Variants in ALDH3A1 observed in about 807,000 individuals in gnomAD.
ALDH3A1 encodes aldehyde dehydrogenase, dimeric NADP-preferring.
Under a neutral mutation model 49.9 loss-of-function variants are expected in ALDH3A1, and 46 were observed. The ratio of observed to expected loss-of-function variants is 0.92; its 90% CI spans 0.73 to 1.18. ALDH3A1 has a LOEUF of 1.18. Ranked by LOEUF, ALDH3A1 falls within the 50% of genes most tolerant of loss-of-function variation. The pLI is 0.00. For synonymous variants in ALDH3A1, 269 were observed against 253.3 expected, an observed-to-expected ratio of 1.06 and a Z score of -0.59; for missense variants, 592 against 611.8, an observed-to-expected ratio of 0.97 and a Z score of 0.34.
chr17:19,741,732 G>T (rs771031458), intron 5 of ALDH3A1, among the ~76,000 whole-genome samples: 25 of 152,134 alleles, frequency 1.6e-4, no homozygotes, highest in Non-Finnish European at 3.1e-4. Context: ...TGCAGCCTCT[G>T]CTTGGAGTAC....
chr17:19,739,009 G>A lies in ALDH3A1; in HGVS notation c.1203C>T (p.Pro401=), dbSNP rs150692942. 3 of 1,613,616 alleles carry A rather than the reference G, an allele frequency of 1.9e-6. No individual in the cohort carries two copies. The highest frequency in any genetic ancestry group is 1.7e-4 in the Middle Eastern group (1 of 6,060). The change falls in exon 9 of 11, where the codon CCC becomes CCT. Residue 401 remains proline (P), a synonymous_variant. Coordinates refer to ENST00000225740, the MANE Select transcript of ALDH3A1 (RefSeq NM_000691.5). ...VIVHITLHSL[P]FGGVGNSGMG... ...CCCCAGACTCACCCACGCCCCCGAA[G>A]GGCAGAGAGTGCAAGGTGATGTGGA...
chr17:19,739,359 C>A, intron 8 of ALDH3A1, 149 bp downstream of exon 8: 1 of 1,018,274 alleles, frequency 9.8e-7, no homozygotes, highest in Non-Finnish European at 1.4e-6. Flanking sequence ...ATGCTGCTGT[C>A]CTGATCTTAC....
rs1459773760 is a variant in ALDH3A1 at position 19,738,065 on chromosome 17, T to C, written c.*156A>G. The C allele has an allele frequency of 2.6e-6, 4 of 1,557,384 alleles. No individual in the cohort carries two copies. The Admixed American group carries it at 5.6e-5, about 22-fold the overall frequency. On this transcript the variant is annotated 3_prime_UTR_variant, in exon 11 of 11. Coordinates refer to ENST00000225740, the MANE Select transcript of ALDH3A1 (RefSeq NM_000691.5). ...CTTGGAATGGTGAGGCCTGGGCCCA[T>C]GTGGGAGTGGGGTGTGCACAGGTCA...
Position 19,741,073 on chromosome 17 carries a change from G to A in ALDH3A1, c.807+20C>T, listed in dbSNP as rs2086482267. 6.3e-7 allele frequency: 1 copy of A among 1,598,312 alleles called. No homozygotes were observed. Among genetic ancestry groups the A allele is most frequent in the Non-Finnish European group, 8.6e-7 (1 of 1,165,714 alleles). The stretch of plus-strand genomic sequence containing the variant: ...GCCTTACAGCCTCTCATCCCACCCT[G>A]CCAAGGGGTCAACACTCACTTTCAG... On this transcript the variant is annotated intron_variant, in intron 6 of 10. Transcript: ENST00000225740.
At chr17:19,744,480 C>T (rs922211632) in intron 2 of ALDH3A1, 18 of 985,354 alleles carry the variant, frequency 1.8e-5, no homozygotes, top group Non-Finnish European at 1.8e-5. Context: ...GGCTCCGGAG[C>T]GCTGGACCCC....
At position 19,748,140 on chromosome 17, in the gene ALDH3A1, C is replaced by T; in HGVS notation, c.-6+119G>A. 3.1e-6 allele frequency: 1 copy of T among 326,614 alleles called. No homozygotes were observed. Among genetic ancestry groups the T allele is most frequent in the Non-Finnish European group, 6.2e-6 (1 of 161,456 alleles). The allele number at this position is 326,614 out of a possible 1,614,324, so 20.2% of individuals were successfully genotyped here. A position where few individuals can be genotyped will look rare whatever the true frequency, so the allele number is the denominator to read the frequency against. ...GGAGGATGCTCCAGAGATGATGGTC[C>T]CAGAGGCAGGGACCCCCTGGAGAGA... On this transcript the variant is annotated intron_variant, in intron 1 of 10. Transcript: ENST00000225740. The surrounding 1 kb of genome is among the most constrained non-coding windows in gnomAD (Gnocchi z 4.4).
At chr17:19,741,938 G>T in intron 5 of ALDH3A1, 66 bp downstream of exon 5, 1 of 1,482,868 alleles carries the variant, frequency 6.7e-7, no homozygotes, top group Non-Finnish European at 9.3e-7. Context: ...ACAGCATGAG[G>T]TGCAGTCATG....
At chr17:19,745,735 A>G (rs906824295) in intron 1 of ALDH3A1, 1 of 152,228 alleles carries the variant, frequency 6.6e-6, no homozygotes, top group African/African-American at 2.4e-5. Context: ...AGAGGTGTGG[A>G]GGCGATTCCT....
chr17:19,741,268 T>G (rs1240654821), intron 5 of ALDH3A1, 58 bp from the exon 6 acceptor site: 63 of 1,472,752 alleles, frequency 4.3e-5, no homozygotes, highest in Non-Finnish European at 5.6e-5. Context: ...TGCATCTCGT[T>G]TTGCAGACCC....
Position 19,743,615 on chromosome 17 carries a change from G to C in ALDH3A1, c.163-152C>G. On this transcript the variant is annotated intron_variant, in intron 2 of 10. Transcript: ENST00000225740. The surrounding 1 kb of genome is among the most constrained non-coding windows in gnomAD (Gnocchi z 4.4). ...CCGCAGAAGGCTCCCAGGGGAAGCA[G>C]AGCCAGGATTAGCCGTTGGACCTGT... 3.5e-6 allele frequency: 5 copies of C among 1,435,770 alleles called. No individual in the cohort carries two copies. Among genetic ancestry groups the C allele is most frequent in the Non-Finnish European group, 3.6e-6 (4 of 1,099,356 alleles). 88.9% of individuals were successfully genotyped at this position (1,435,770 alleles called of 1,614,324 possible).
Position 19,740,360 on chromosome 17 carries a change from C to T in ALDH3A1, c.925G>A (p.Gly309Arg), listed in dbSNP as rs769552132. ...CCTATGTAGCGAGTGGCGGCATCCCCGGTGCCCCCATAAGCCACCTTCTGG... is the reference window on the plus strand; with the variant it reads ...CCTATGTAGCGAGTGGCGGCATCCCTGGTGCCCCCATAAGCCACCTTCTGG... ...EGQKVAYGGT[G>R]DAATRYIAPT... The change falls in exon 7 of 11, where the codon GGG becomes AGG. Residue 309 changes from glycine to arginine, a missense_variant. By Grantham distance (125) the Gly-to-Arg change is moderately radical. Transcript: ENST00000225740. The T allele has an allele frequency of 7.4e-6, 12 of 1,613,894 alleles. No individual in the cohort carries two copies. The East Asian group carries it at 8.9e-5, about 12-fold the overall frequency.
Position 19,742,222 on chromosome 17 carries a change from A to C in ALDH3A1, c.481-10T>G. ...TTACTGGGTACAGATCCTTCCATGC[A>C]AGGAGAGAGGGGAGGCTCAGCAAAG... On this transcript the variant is annotated splice_polypyrimidine_tract_variant and intron_variant, in intron 4 of 10. Coordinates refer to ENST00000225740, the MANE Select transcript of ALDH3A1 (RefSeq NM_000691.5). 6.2e-7 allele frequency: 1 copy of C among 1,613,360 alleles called. No individual in the cohort carries two copies. Among genetic ancestry groups the C allele is most frequent in the Non-Finnish European group, 8.5e-7 (1 of 1,179,500 alleles).
chr17:19,746,108 G>C (rs1274525890), intron 1 of ALDH3A1, among the ~76,000 whole-genome samples: 13 of 152,214 alleles, frequency 8.5e-5, no homozygotes, highest in Admixed American at 8.5e-4. Flanking sequence ...TTACAGGCCG[G>C]GCGCGGTGGC....
rs1302045450 is a variant in ALDH3A1 at position 19,743,994 on chromosome 17, CTT to C, written c.163-533_163-532del. The C allele has an allele frequency of 3.0e-6, 3 of 985,200 alleles. No homozygotes were observed. Among genetic ancestry groups the C allele is most frequent in the Admixed American group, 1.2e-4 (2 of 16,256 alleles). 61.0% of individuals were successfully genotyped at this position (985,200 alleles called of 1,614,324 possible). A position where few individuals can be genotyped will look rare whatever the true frequency, so the allele number is the denominator to read the frequency against. ...GATGCAGACGGCGGAAAACGCGTCT[CTT>C]TTATAAACTTGGGCTGTGAAGAGCA... On this transcript the variant is annotated intron_variant, in intron 2 of 10. Transcript: ENST00000225740. The surrounding 1 kb of genome is among the most constrained non-coding windows in gnomAD (Gnocchi z 4.4).
chr17:19,742,263 G>A (rs751722274), intron 4 of ALDH3A1, 51 bp from the exon 5 acceptor site: 48 of 1,576,742 alleles, frequency 3.0e-5, no homozygotes, highest in African/African-American at 9.4e-5. Context: ...GCCCCTCCTC[G>A]CTCTTGCAAG....
chr17:19,742,362 G>A lies in ALDH3A1; in HGVS notation c.481-150C>T, dbSNP rs946969610. 31 of 1,099,308 alleles carry A rather than the reference G, an allele frequency of 2.8e-5. No individual in the cohort carries two copies. In the African/African-American group the frequency reaches 3.5e-4, roughly 12 times the overall value. The allele number at this position is 1,099,308 out of a possible 1,614,324, so 68.1% of individuals were successfully genotyped here. A position where few individuals can be genotyped will look rare whatever the true frequency, so the allele number is the denominator to read the frequency against. On this transcript the variant is annotated intron_variant, in intron 4 of 10. Coordinates refer to ENST00000225740, the MANE Select transcript of ALDH3A1 (RefSeq NM_000691.5). ...GGGTAGCAGTAACTGGCAGTAGACC[G>A]CCTTTCCTGGCCCAGGGGCTCTGTT...
chr17:19,741,100 G>T lies in ALDH3A1; in HGVS notation c.800C>A (p.Ser267Ter). The T allele has an allele frequency of 6.2e-7, 1 of 1,613,668 alleles. No homozygotes were observed. The highest frequency in any genetic ancestry group is 1.1e-5 in the South Asian group (1 of 91,036). ...CAAGGGGTCAACACTCACTTTCAGTGACTTCTTGAGCTTCTCCACAATTTG... is the reference window on the plus strand; with the variant it reads ...CAAGGGGTCAACACTCACTTTCAGTTACTTCTTGAGCTTCTCCACAATTTG... ...QNQIVEKLKK[S>*]LKEFYGEDAK... The change falls in exon 6 of 11, where the codon TCA (serine) becomes TAA (stop). Residue 267 changes from serine to a stop codon, truncating the protein, a stop_gained. Coordinates refer to ENST00000225740, the MANE Select transcript of ALDH3A1 (RefSeq NM_000691.5). LOFTEE classifies it high-confidence loss of function.
chr17:19,740,534 G>A, intron 6 of ALDH3A1, 57 bp from the exon 7 acceptor site: 2 of 1,596,244 alleles, frequency 1.3e-6, no homozygotes, highest in Non-Finnish European at 1.7e-6. Context: ...CCTGCCCAAA[G>A]GCTGCACAGA....
At chr17:19,742,923 T>C in intron 3 of ALDH3A1, 1 of 1,525,134 alleles carries the variant, frequency 6.6e-7, no homozygotes, top group Non-Finnish European at 8.8e-7. Flanking sequence ...GCCCGGTTGG[T>C]AGAACAGCGC....
Sources: gnomAD v4.1 joint callset for allele counts (sites outside exome capture counted in the v4.1 genomes callset) on GRCh38, gnomAD v4.1.1 for gene constraint, Gnocchi (gnomAD v3.1) non-coding constraint, MANE v1.5 for transcripts, NCBI Gene and HGNC (gene_info 2026-07-23, HGNC 2026-07-21) for gene names.